TRPV1: variants seen among roughly 807,000 people sequenced by gnomAD.
TRPV1 encodes transient receptor potential cation channel subfamily V member 1.
In TRPV1, 82 loss-of-function variants were observed where a neutral mutation model predicts 82.3. The observed-to-expected ratio is 1.00, with a 90% confidence interval of 0.83 to 1.20. The LOEUF is 1.20. Among genes scored for constraint, TRPV1 ranks in the 50% most tolerant of loss-of-function variants. The probability of loss-of-function intolerance (pLI) is 0.00; values close to 1 mark genes in which losing one functional copy is unlikely to be tolerated. For missense variants in TRPV1, 1,067 were observed against 1,096.8 expected (o/e 0.97, Z 0.38); for synonymous variants, 515 against 467.7 (o/e 1.10, Z -1.30).
intron 13 of TRPV1, among the ~76,000 whole-genome samples, chr17:3,576,668 A>AAAAAAAATATATATATATATAT: frequency 2.6e-5 from 1 of 38,390 alleles, no homozygotes; most frequent in Non-Finnish European, 5.3e-5. Context: ...AAAAAAAAAA[A>AAAAAAAATATATATATATATAT]ATATATATAT....
At chr17:3,567,625 G>T (rs917909249) in intron 16 of TRPV1, among the ~76,000 whole-genome samples, 2 of 151,944 alleles carry the variant, frequency 1.3e-5, no homozygotes, top group Non-Finnish European at 2.9e-5. Context: ...GCGGGAGGGA[G>T]AGAGGGTCTC....
chr17:3,590,174 C>T (rs1359381113), intron 6 of TRPV1, 69 bp from the exon 7 acceptor site: 1 of 1,588,284 alleles, frequency 6.3e-7, no homozygotes, highest in Non-Finnish European at 8.6e-7. Context: ...CACCGGCCTC[C>T]AAACTCCCTC....
chr17:3,592,056 C>G lies in TRPV1; in HGVS notation c.284+11G>C, dbSNP rs199776832. 52 of 1,606,614 alleles carry G rather than the reference C, an allele frequency of 3.2e-5. No individual in the cohort carries two copies. Among genetic ancestry groups the G allele is most frequent in the South Asian group, 1.1e-4 (10 of 90,792 alleles). ...TCCCAGCAGGGAGGGGGGCTCCAGA[C>G]GCGGACTTACCTGGCACCGGTGGGG... On this transcript the variant is annotated intron_variant, in intron 3 of 16. Transcript: ENST00000572705.
chr17:3,571,437 C>T (rs2074851975), intron 16 of TRPV1, 87 bp downstream of exon 16: 1 of 1,086,886 alleles, frequency 9.2e-7, no homozygotes, highest in African/African-American at 1.6e-5. Flanking sequence ...AGGAACCCGG[C>T]AAGGCGTGGG....
intron 2 of TRPV1, chr17:3,608,208 C>T (rs1314753785): frequency 4.4e-5 from 3 of 67,594 alleles, no homozygotes; most frequent in Non-Finnish European, 7.6e-5. Flanking sequence ...GAGACTATGT[C>T]TCAAAAAAAA....
rs1597511251 is a variant in TRPV1, at chr17:3,571,587, C to T, written c.2284G>A (p.Glu762Lys). 8 of 1,612,678 alleles carry T rather than the reference C, an allele frequency of 5.0e-6. No homozygotes were observed. Among genetic ancestry groups the T allele is most frequent in the Admixed American group, 1.7e-5 (1 of 59,856 alleles). The stretch of plus-strand genomic sequence containing the variant: ...ACGCCCTCACAGTTGCCCGGGTCTT[C>T]GTTGATGATGCCCACGTTGGTGTTC... ...TWNTNVGIIN[E>K]DPGNCEGVKR... The change falls in exon 16 of 17, where the codon GAA becomes AAA. Residue 762 changes from glutamate to lysine, a missense_variant. Coordinates refer to ENST00000572705, the MANE Select transcript of TRPV1 (RefSeq NM_080704.4).
Position 3,573,975 on chromosome 17 carries a change from C to T in TRPV1, c.1781-20G>A, listed in dbSNP as rs200361571. On this transcript the variant is annotated intron_variant, in intron 13 of 16. Transcript: ENST00000572705. ...CCACCGCTACAGGGCACAGGGAGGG[C>T]GGGGTGCCACTGGATAGAAGCCAAT... The T allele has an allele frequency of 2.5e-5, 39 of 1,565,280 alleles. No homozygotes were observed. Among genetic ancestry groups the T allele is most frequent in the Admixed American group, 1.6e-4 (8 of 50,322 alleles).
intron 11 of TRPV1, 87 bp from the exon 12 acceptor site, chr17:3,577,850 G>C: frequency 1.5e-6 from 2 of 1,334,118 alleles, no homozygotes; most frequent in South Asian, 1.3e-5. Flanking sequence ...CCGCTCAGAG[G>C]TCCAGACTGC....
At position 3,575,497 on chromosome 17, in the gene TRPV1, AAATC is replaced by A. The variant is rs1407745747; in HGVS notation, c.1781-1546_1781-1543del. ...GACTCCTTCTCAAGAAAAAAAAAAAAAATCATCATTTGGCCACCATCACAGGATG... is the reference window on the plus strand; with the variant it reads ...GACTCCTTCTCAAGAAAAAAAAAAAAATCATTTGGCCACCATCACAGGATG... On this transcript the variant is annotated intron_variant, in intron 13 of 16. Transcript: ENST00000572705. Among the ~76,000 whole-genome samples the A allele has an allele frequency of 2.0e-4, 30 of 152,104 alleles. No individual in the cohort carries two copies. The East Asian group carries it at 5.6e-3, about 28-fold the overall frequency.
chr17:3,591,394 C>A, intron 3 of TRPV1, 41 bp from the exon 4 acceptor site: 1 of 1,527,798 alleles, frequency 6.5e-7, no homozygotes, highest in Non-Finnish European at 8.8e-7. Context: ...CCCTGGCCTC[C>A]CCTCGGCCCT....
chr17:3,607,686 G>A (rs1242495075), intron 2 of TRPV1, among the ~76,000 whole-genome samples: 3 of 151,716 alleles, frequency 2.0e-5, no homozygotes, highest in Admixed American at 1.3e-4. Flanking sequence ...ACAGGCGCGT[G>A]CCATCATGCC....
chr17:3,571,224 C>T (rs576257970), intron 16 of TRPV1, among the ~76,000 whole-genome samples: 4 of 152,280 alleles, frequency 2.6e-5, no homozygotes, highest in East Asian at 1.9e-4. Context: ...GGAGGCAGGG[C>T]GGGGCTGGGC....
At position 3,592,281 on chromosome 17, in the gene TRPV1, G is replaced by A. The variant is rs200777303; in HGVS notation, c.70C>T (p.Pro24Ser). The A allele has an allele frequency of 1.2e-5, 19 of 1,604,360 alleles. No homozygotes were observed. The highest frequency in any genetic ancestry group is 2.2e-5 in the East Asian group (1 of 44,536). ...CTGGAGTTAGGGTCTCCATCCAGGG[G>A]GTCTGGGCAGGTGTCCTTTTGGAGT... ...DPLQKDTCPD[P>S]LDGDPNSRPP... The change falls in exon 3 of 17, where the codon CCC becomes TCC. Residue 24 changes from proline to serine, a missense_variant. Transcript: ENST00000572705.
chr17:3,571,016 C>T (rs958820893), intron 16 of TRPV1, among the ~76,000 whole-genome samples: 5 of 152,228 alleles, frequency 3.3e-5, no homozygotes, highest in African/African-American at 7.2e-5. Flanking sequence ...TGTGCCCGGC[C>T]TCCTTGGGGT....
intron 2 of TRPV1, among the ~76,000 whole-genome samples, chr17:3,607,627 C>T (rs2075305085): frequency 1.3e-5 from 2 of 151,272 alleles, no homozygotes; most frequent in South Asian, 4.2e-4. Context: ...ACCTCTGCTT[C>T]CAGAGCTCAA....
chr17:3,588,187 C>A lies in TRPV1; in HGVS notation c.1224+1G>T. On this transcript the variant is annotated splice_donor_variant, in intron 8 of 16. Transcript: ENST00000572705. LOFTEE classifies it high-confidence loss of function. Reference sequence around the variant, plus strand: ...TCCCTGGCTGTGCCCCAGCCACTCACAGGGGTCTCGCTGCTGCTGTAGGCG... The same window carrying A: ...TCCCTGGCTGTGCCCCAGCCACTCAAAGGGGTCTCGCTGCTGCTGTAGGCG... 1 of 1,556,634 alleles carries A rather than the reference C, an allele frequency of 6.4e-7. No homozygotes were observed.
rs1178000442 is a variant in TRPV1 at position 3,566,948 on chromosome 17, A to AG, written c.2386dup (p.Leu796ProfsTer10). 6.2e-7 allele frequency: 1 copy of AG among 1,613,970 alleles called. No individual in the cohort carries two copies. ...ATCTCGAGCACTTGCCTCTCTTAAA[A>AG]GGGGGACCAGGGCAAAGTTCTTCCA... On this transcript the variant is annotated frameshift_variant, in exon 17 of 17. Transcript: ENST00000572705. LOFTEE classifies it high-confidence loss of function.
intron 10 of TRPV1, among the ~76,000 whole-genome samples, chr17:3,581,154 A>AT (rs139475187): frequency 0.019 from 2,913 of 151,500 alleles, 40 homozygotes; most frequent in Non-Finnish European, 0.029. Flanking sequence ...CTTTTTCCTA[A>AT]TTTTTTTTTA....
intron 13 of TRPV1, among the ~76,000 whole-genome samples, chr17:3,574,207 C>T (rs1164726319): frequency 6.6e-6 from 1 of 152,214 alleles, no homozygotes; most frequent in Non-Finnish European, 1.5e-5. Flanking sequence ...GTACAGTGCA[C>T]AACCTGCTTA....
Sources: gnomAD v4.1 joint callset for allele counts (sites outside exome capture counted in the v4.1 genomes callset) on GRCh38, gnomAD v4.1.1 for gene constraint, MANE v1.5 for transcripts, NCBI Gene and HGNC (gene_info 2026-07-23, HGNC 2026-07-21) for gene names.